The following RNASET2 variants were observed in gnomAD, a reference collection of about 807,000 sequenced individuals.
The protein encoded by RNASET2 is ribonuclease T2.
RNASET2 carries 28 observed loss-of-function variants against 33.9 expected under a neutral mutation model. That is an observed-to-expected ratio of 0.83 (90% CI 0.61 to 1.13). The LOEUF (loss-of-function observed/expected upper bound fraction) is 1.13. Ranked by LOEUF, RNASET2 falls within the 50% of genes most tolerant of loss-of-function variation. RNASET2 has a pLI of 0.00. For synonymous variants in RNASET2, 123 were observed against 121.0 expected, an observed-to-expected ratio of 1.02 and a Z score of -0.11; for missense variants, 330 against 319.9, an observed-to-expected ratio of 1.03 and a Z score of -0.24.
intron 4 of RNASET2, chr6:166,943,435 G>A (rs1583225681): frequency 2.8e-6 from 1 of 352,696 alleles, no homozygotes; most frequent in Non-Finnish European, 5.5e-6. Flanking sequence ...CTAAGTGCAA[G>A]AAGCCAGTCT....
chr6:166,930,656 A>G (rs1778404803), intron 8 of RNASET2, among the ~76,000 whole-genome samples: 1 of 150,494 alleles, frequency 6.6e-6, no homozygotes, highest in Non-Finnish European at 1.5e-5. Flanking sequence ...ACTTGCACAC[A>G]CAGCACATGC....
intron 3 of RNASET2, 91 bp from the exon 4 acceptor site, chr6:166,946,830 T>C (rs1328509586): frequency 3.9e-6 from 3 of 764,764 alleles, no homozygotes; most frequent in East Asian, 5.3e-5. Flanking sequence ...TTCATTGAAG[T>C]CTGCAAAGAA....
At chr6:166,947,192 G>A (rs1739092035) in intron 3 of RNASET2, among the ~76,000 whole-genome samples, 1 of 152,146 alleles carries the variant, frequency 6.6e-6, no homozygotes, top group Non-Finnish European at 1.5e-5. Context: ...AGGACTCCAG[G>A]AGATGACAGA....
Position 166,955,783 on chromosome 6 carries a change from C to T in RNASET2, c.86+314G>A, listed in dbSNP as rs138126974. The stretch of plus-strand genomic sequence containing the variant: ...CCCCAGAGCGTGCCCAGGGCTCCCC[C>T]CAACCCACTCCTTCCCAGAGGTCAC... On this transcript the variant is annotated intron_variant, in intron 1 of 8. Transcript: ENST00000508775. 5.3e-5 allele frequency: 52 copies of T among 983,734 alleles called. No homozygotes were observed. The Middle Eastern group carries it at 1.6e-3, about 30-fold the overall frequency. 60.9% of individuals were successfully genotyped at this position (983,734 alleles called of 1,614,324 possible). A position where few individuals can be genotyped will look rare whatever the true frequency, so the allele number is the denominator to read the frequency against.
intron 4 of RNASET2, chr6:166,943,917 C>T (rs1162823842): frequency 1.7e-5 from 5 of 301,828 alleles, no homozygotes; most frequent in South Asian, 1.1e-4. Flanking sequence ...GTCAGGAGAT[C>T]GAGACCATCC....
chr6:166,929,499 C>T lies in RNASET2; in HGVS notation c.*89G>A. 8 of 1,364,000 alleles carry T rather than the reference C, an allele frequency of 5.9e-6. No homozygotes were observed. The highest frequency in any genetic ancestry group is 8.4e-6 in the Non-Finnish European group (8 of 954,652). The allele number at this position is 1,364,000 out of a possible 1,614,324, so 84.5% of individuals were successfully genotyped here. A position where few individuals can be genotyped will look rare whatever the true frequency, so the allele number is the denominator to read the frequency against. ...CATGGAGGGGAAACAGCAAAATAAA[C>T]AGACTTCACTTTGGAGTTGTTTTTT... On this transcript the variant is annotated 3_prime_UTR_variant, in exon 9 of 9. Transcript: ENST00000508775.
Position 166,931,099 on chromosome 6 carries a change from G to A in RNASET2, c.512C>T (p.Ala171Val). 6.2e-7 allele frequency: 1 copy of A among 1,609,446 alleles called. No homozygotes were observed. Among genetic ancestry groups the A allele is most frequent in the Non-Finnish European group, 8.5e-7 (1 of 1,175,708 alleles). The change falls in exon 8 of 9, where the codon GCC (alanine) becomes GTC (valine). Residue 171 changes from alanine (A) to valine (V), a missense_variant. Physicochemically the swap from Ala to Val is moderately conservative, Grantham distance 64 (BLOSUM62 0). Transcript: ENST00000508775. ...TATCACTCCATATACTCTGGCAAGGGCATCTTTAAAATCTGCAACCTGATT... is the reference window on the plus strand; with the variant it reads ...TATCACTCCATATACTCTGGCAAGGACATCTTTAAAATCTGCAACCTGATT... The part of the protein sequence containing the change: ...NYYQVADFKD[A>V]LARVYGVIPK...
At chr6:166,955,669 C>T in intron 1 of RNASET2, 1 of 1,050,128 alleles carries the variant, frequency 9.5e-7, no homozygotes, top group East Asian at 9.2e-5. Context: ...CTGGAGTGTA[C>T]CCAGGACCTC....
chr6:166,929,663 G>A lies in RNASET2; in HGVS notation c.696C>T (p.Ala232=), dbSNP rs537280779. The part of the protein sequence containing the change: ...PKQEVWLANG[A]AESRGLRVCE... ...AGACTCTCAGACCCCGGCTCTCGGC[G>A]GCCCCATTTGCCAGCCAGACTTCCT... is the stretch of plus-strand genomic sequence containing the variant. Residue 232 remains alanine, a synonymous_variant, in exon 9 of 9, where the codon GCC becomes GCT. Transcript: ENST00000508775. The A allele has an allele frequency of 5.5e-4, 895 of 1,614,064 alleles. 10 individuals are homozygous for A. In the South Asian group the frequency reaches 8.9e-3, roughly 16 times the overall value.
At chr6:166,931,359 C>T (rs1562493530) in intron 7 of RNASET2, 2 of 560,528 alleles carry the variant, frequency 3.6e-6, no homozygotes, top group Non-Finnish European at 3.2e-6. Flanking sequence ...CTCTCTGCTC[C>T]TGTTTCTCTG....
chr6:166,929,939 A>G, intron 8 of RNASET2, 148 bp from the exon 9 acceptor site: 2 of 770,398 alleles, frequency 2.6e-6, no homozygotes, highest in Non-Finnish European at 2.2e-6. Context: ...GGACCCCTTC[A>G]TTGAGCAGAA....
chr6:166,937,790 C>T (rs1778603088), intron 6 of RNASET2, among the ~76,000 whole-genome samples: 2 of 152,192 alleles, frequency 1.3e-5, no homozygotes, highest in African/African-American at 2.4e-5. Flanking sequence ...TAATGCCACG[C>T]GCTCTGGGAG....
At position 166,939,003 on chromosome 6, in the gene RNASET2, T is replaced by A; in HGVS notation, c.338A>T (p.His113Leu). ...GCAGGTCCCATGCTTTTCCCACTCATGCTTCCTGTGAGGATTAGGAAAAAT... is the reference window on the plus strand; with the variant it reads ...GCAGGTCCCATGCTTTTCCCACTCAAGCTTCCTGTGAGGATTAGGAAAAAT... ...SFPNRSRFWK[H>L]EWEKHGTCAA... Residue 113 changes from histidine to leucine, a missense_variant, in exon 6 of 9, where the codon CAT becomes CTT. His to Leu is a moderately conservative substitution (Grantham distance 99). Transcript: ENST00000508775. 4 of 1,611,352 alleles carry A rather than the reference T, an allele frequency of 2.5e-6. No homozygotes were observed. Among genetic ancestry groups the A allele is most frequent in the Non-Finnish European group, 3.4e-6 (4 of 1,178,490 alleles).
intron 4 of RNASET2, chr6:166,945,132 GCC>G (rs543628686): frequency 6.4e-6 from 1 of 155,874 alleles, no homozygotes; most frequent in African/African-American, 2.7e-5. Flanking sequence ...TGTCAGCCCT[GCC>G]CCCTCATCCA....
chr6:166,945,200 T>C (rs1284689566), intron 4 of RNASET2: 1 of 162,290 alleles, frequency 6.2e-6, no homozygotes, highest in Non-Finnish European at 1.4e-5. Context: ...CACAGACCCA[T>C]GTCCATCCCC....
At chr6:166,946,504 T>C (rs1169544123) in intron 4 of RNASET2, 178 bp downstream of exon 4, 6 of 622,970 alleles carry the variant, frequency 9.6e-6, no homozygotes, top group Non-Finnish European at 1.2e-5. Context: ...AAAAGGTCAA[T>C]TGGTGTAATT....
At chr6:166,950,955 CAA>C (rs1778970110) in intron 2 of RNASET2, among the ~76,000 whole-genome samples, 1 of 152,200 alleles carries the variant, frequency 6.6e-6, no homozygotes, top group Non-Finnish European at 1.5e-5. Context: ...AGACACAAGA[CAA>C]AGAGACAGAA....
rs67709006 is a variant in RNASET2 at position 166,928,444 on chromosome 6, G to GTTTTT, written c.*1139_*1143dup. Among the ~76,000 whole-genome samples, 4,660 of 144,634 alleles carry GTTTTT rather than the reference G, an allele frequency of 0.032. 218 individuals are homozygous for GTTTTT. Among genetic ancestry groups the GTTTTT allele is most frequent in the African/African-American group, 0.11 (4,124 of 38,832 alleles). The allele number at this position is 144,634 out of a possible 152,430, so 94.9% of individuals were successfully genotyped here. A position where few individuals can be genotyped will look rare whatever the true frequency, so the allele number is the denominator to read the frequency against. On this transcript the variant is annotated 3_prime_UTR_variant, in exon 9 of 9. Transcript: ENST00000508775. ...AATATTCACAGGCATTGATACAGCT[G>GTTTTT]TTTTTTTTTTTTTTGTAAATTATGC...
chr6:166,930,060 C>T (rs533154635), intron 8 of RNASET2, among the ~76,000 whole-genome samples: 1 of 152,262 alleles, frequency 6.6e-6, no homozygotes, highest in East Asian at 1.9e-4. Flanking sequence ...CAGCCTGGTG[C>T]CCTGGTGAAA....
Sources: gnomAD v4.1 joint callset for allele counts (sites outside exome capture counted in the v4.1 genomes callset) on GRCh38, gnomAD v4.1.1 for gene constraint, MANE v1.5 for transcripts, NCBI Gene and HGNC (gene_info 2026-07-23, HGNC 2026-07-21) for gene names.